Variants in TRMT9B observed in about 807,000 individuals in gnomAD.
TRMT9B encodes tRNA methyltransferase 9B (putative).
A neutral mutation model predicts 11.5 loss-of-function variants in TRMT9B; 16 were observed. The observed-to-expected ratio is 1.39, with a 90% CI of 0.94 to 2.11. The LOEUF (loss-of-function observed/expected upper bound fraction) is 2.11. Among genes scored for constraint, TRMT9B ranks in the 30% most tolerant of loss-of-function variants. The pLI is 0.00. For missense variants in TRMT9B, 941 were observed against 553.8 expected (o/e 1.70, Z -7.02); for synonymous variants, 274 against 192.4 (o/e 1.42, Z -3.51).
intron 4 of TRMT9B, among the ~76,000 whole-genome samples, chr8:13,019,632 G>A (rs1446658476): frequency 2.6e-5 from 4 of 152,156 alleles, no homozygotes; most frequent in Non-Finnish European, 5.9e-5. Flanking sequence ...GTGGATAAAT[G>A]TGAGCATTAG....
chr8:12,982,669 A>C (rs917537109), intron 1 of TRMT9B, among the ~76,000 whole-genome samples: 3 of 152,148 alleles, frequency 2.0e-5, no homozygotes, highest in African/African-American at 7.2e-5. Context: ...CTCAAAAAAA[A>C]AAAAATCATA....
At chr8:12,987,165 C>T (rs1806459999) in intron 1 of TRMT9B, among the ~76,000 whole-genome samples, 1 of 152,212 alleles carries the variant, frequency 6.6e-6, no homozygotes, top group East Asian at 1.9e-4. Context: ...CAAATCCTGG[C>T]TCTGCCACTT....
chr8:13,006,505 A>G (rs1014769906), intron 3 of TRMT9B, 149 bp downstream of exon 3: 5 of 1,478,560 alleles, frequency 3.4e-6, no homozygotes, highest in African/African-American at 2.8e-5. Context: ...AGCATGAAAT[A>G]CCTTCCATTG....
chr8:12,990,312 GT>G (rs1439816378), intron 1 of TRMT9B, among the ~76,000 whole-genome samples: 1 of 152,074 alleles, frequency 6.6e-6, no homozygotes, highest in Non-Finnish European at 1.5e-5. Context: ...TTACAAAGTG[GT>G]TTTTGGTGCA....
At chr8:12,957,458 G>T (rs1197286636) in intron 1 of TRMT9B, among the ~76,000 whole-genome samples, 1 of 74,294 alleles carries the variant, frequency 1.3e-5, no homozygotes, top group Admixed American at 1.6e-4. Context: ...TCAAATTTAT[G>T]ATTAGAGTAA....
At chr8:12,972,460 C>T (rs533584104) in intron 1 of TRMT9B, among the ~76,000 whole-genome samples, 2 of 152,128 alleles carry the variant, frequency 1.3e-5, no homozygotes, top group South Asian at 2.1e-4. Context: ...GGAAACTAAC[C>T]GACTCCTATT....
chr8:12,987,792 G>T lies in TRMT9B; in HGVS notation c.-199-3042G>T, dbSNP rs144936626. Among the ~76,000 whole-genome samples, 26 of 152,278 alleles carry T rather than the reference G, an allele frequency of 1.7e-4. No individual in the cohort carries two copies. The East Asian group carries it at 4.8e-3, about 28-fold the overall frequency. ...CTCAGAACATTTACATTAGCCGACA[G>T]CTGGGCAAAATCACCTGGCAAAAAG... is the stretch of plus-strand genomic sequence containing the variant. On this transcript the variant is annotated intron_variant, in intron 1 of 4. Coordinates refer to ENST00000524591, the MANE Select transcript of TRMT9B (RefSeq NM_020844.3).
At chr8:12,999,389 T>G (rs1248686372) in intron 2 of TRMT9B, among the ~76,000 whole-genome samples, 10 of 151,292 alleles carry the variant, frequency 6.6e-5, no homozygotes, top group Non-Finnish European at 5.9e-5. Context: ...GGGAAGGATA[T>G]GGTCATTATC....
rs568928939 is a variant in TRMT9B at position 12,971,012 on chromosome 8, T to A, written c.-199-19822T>A. Among the ~76,000 whole-genome samples, 52 of 152,334 alleles carry A rather than the reference T, an allele frequency of 3.4e-4. No homozygotes were observed. In the South Asian group the frequency reaches 5.6e-3, roughly 16 times the overall value. On this transcript the variant is annotated intron_variant, in intron 1 of 4. Transcript: ENST00000524591. ...GCATTTTTAAATGATGTATCATAGT[T>A]GTACATATTTTGGGGTACATGTGCT... is the stretch of plus-strand genomic sequence containing the variant.
chr8:12,967,545 C>A (rs1244733120), intron 1 of TRMT9B, among the ~76,000 whole-genome samples: 3 of 152,192 alleles, frequency 2.0e-5, no homozygotes, highest in African/African-American at 7.2e-5. Flanking sequence ...AACTCAGACC[C>A]TCTTCAATTA....
rs1426099145 is a variant in TRMT9B at position 13,012,795 on chromosome 8, T to C, written c.266T>C (p.Val89Ala). The change falls in exon 4 of 5, where the codon GTA becomes GCA. Residue 89 changes from valine (V) to alanine (A), a missense_variant. Transcript: ENST00000524591. ...CGGAATAGAGGATGTGAAGCCATGG[T>C]ATGTGACAACCTTAATCTCCCCTTT... The part of the protein sequence containing the change: ...IARNRGCEAM[V>A]CDNLNLPFRD... The C allele has an allele frequency of 6.2e-7, 1 of 1,613,784 alleles. No individual in the cohort carries two copies. The highest frequency in any genetic ancestry group is 8.5e-7 in the Non-Finnish European group (1 of 1,179,866).
At chr8:13,010,940 A>T (rs1055361175) in intron 3 of TRMT9B, 1 of 910,368 alleles carries the variant, frequency 1.1e-6, no homozygotes, top group African/African-American at 1.8e-5. Context: ...TATCATAGAA[A>T]TAATATGGTC....
intron 4 of TRMT9B, among the ~76,000 whole-genome samples, chr8:13,013,823 C>T (rs1812119764): frequency 6.6e-6 from 1 of 152,040 alleles, no homozygotes; most frequent in Non-Finnish European, 1.5e-5. Flanking sequence ...GGTACAAGCG[C>T]CTGTAGTCCC....
rs373412004 is a variant in TRMT9B, at chr8:12,961,056, G to T, written c.-200+15090G>T. 2.0e-5 allele frequency among the ~76,000 whole-genome samples: 3 copies of T among 152,208 alleles called. No homozygotes were observed. In the South Asian group the frequency reaches 6.2e-4, roughly 32 times the overall value. On this transcript the variant is annotated intron_variant, in intron 1 of 4. Coordinates refer to ENST00000524591, the MANE Select transcript of TRMT9B (RefSeq NM_020844.3). Reference sequence around the variant, plus strand: ...CTCGGGAGGCTGAGGCAGGAGAATCGCTTGAACCCGGGAAGTGGAGGTTGC... The same window carrying T: ...CTCGGGAGGCTGAGGCAGGAGAATCTCTTGAACCCGGGAAGTGGAGGTTGC...
At position 13,024,072 on chromosome 8, in the gene TRMT9B, C is replaced by G. The variant is rs1208257607; in HGVS notation, c.*2028C>G. On this transcript the variant is annotated 3_prime_UTR_variant, in exon 5 of 5. Coordinates refer to ENST00000524591, the MANE Select transcript of TRMT9B (RefSeq NM_020844.3). ...TTTTTTTTTTTTTTTGAGACAGAGT[C>G]TCGCTCTGTCGCCCAGGCTGGAGTG... is the stretch of plus-strand genomic sequence containing the variant. 8.8e-6 allele frequency: 1 copy of G among 113,612 alleles called. No individual in the cohort carries two copies. The highest frequency in any genetic ancestry group is 3.3e-4 in the East Asian group (1 of 3,012). 7.0% of individuals were successfully genotyped at this position (113,612 alleles called of 1,614,324 possible).
chr8:12,996,335 A>G (rs1808334649), intron 2 of TRMT9B, among the ~76,000 whole-genome samples: 2 of 152,204 alleles, frequency 1.3e-5, no homozygotes, highest in South Asian at 4.1e-4. Flanking sequence ...CCTAACTGAA[A>G]CAACTTCTTT....
rs141315735 is a variant in TRMT9B, at chr8:12,962,729, G to C, written c.-200+16763G>C. On this transcript the variant is annotated intron_variant, in intron 1 of 4. Transcript: ENST00000524591. The stretch of plus-strand genomic sequence containing the variant: ...TGGTCTGGAACTCCTGAGCTCAAGT[G>C]ATCTTCCCACCTCGCCCTCCCAAAG... 3.6e-3 allele frequency among the ~76,000 whole-genome samples: 541 copies of C among 152,246 alleles called. 4 individuals are homozygous for C. The highest frequency in any genetic ancestry group is 0.011 in the African/African-American group (453 of 41,544).
chr8:12,955,741 G>A (rs1357340829), intron 1 of TRMT9B, among the ~76,000 whole-genome samples: 1 of 152,158 alleles, frequency 6.6e-6, no homozygotes, highest in Non-Finnish European at 1.5e-5. Flanking sequence ...CGAGCAGGAA[G>A]GGGTTGAATA....
At chr8:12,966,901 C>A (rs1176502871) in intron 1 of TRMT9B, among the ~76,000 whole-genome samples, 2 of 152,116 alleles carry the variant, frequency 1.3e-5, no homozygotes, top group African/African-American at 4.8e-5. Flanking sequence ...ATTCTTACTA[C>A]CTTGCTTCCA....
Sources: allele counts gnomAD v4.1 joint callset (sites outside exome capture counted in the v4.1 genomes callset), GRCh38; gene constraint gnomAD v4.1.1; transcripts MANE v1.5; gene names NCBI Gene and HGNC (gene_info 2026-07-23, HGNC 2026-07-21).